The following POPDC1 variants were observed in gnomAD, a reference collection of about 807,000 sequenced individuals.
POPDC1 encodes popeye domain-containing protein 1.
the POPDC1 span, among the ~76,000 whole-genome samples, chr6:105,128,149 T>C: frequency 7.2e-5 from 11 of 152,254 alleles, no homozygotes; most frequent in African/African-American, 2.2e-4. Flanking sequence ...GAAAAGTGGA[T>C]ACAACAATAA....
chr6:105,100,134 G>A, the POPDC1 span: 16 of 152,122 alleles, frequency 1.1e-4, no homozygotes, highest in Non-Finnish European at 1.9e-4. Flanking sequence ...TAAGTAAGGT[G>A]ATCTAGTGGA....
the POPDC1 span, chr6:105,133,602 T>A: frequency 6.5e-7 from 1 of 1,531,262 alleles, no homozygotes. Flanking sequence ...TAAAAACAAG[T>A]AAACAAAAGT....
the POPDC1 span, among the ~76,000 whole-genome samples, chr6:105,112,840 G>A: frequency 2.0e-5 from 3 of 152,052 alleles, no homozygotes; most frequent in African/African-American, 7.2e-5. Flanking sequence ...CAGATGTGAA[G>A]GTGACCTGTA....
At chr6:105,130,431 C>T in the POPDC1 span, among the ~76,000 whole-genome samples, 1 of 152,008 alleles carries the variant, frequency 6.6e-6, no homozygotes, top group East Asian at 1.9e-4. Flanking sequence ...GTCTGGATTA[C>T]CTGAAGGTGA....
chr6:105,134,845 T>C, the POPDC1 span, among the ~76,000 whole-genome samples: 1 of 152,202 alleles, frequency 6.6e-6, no homozygotes. Context: ...ATTGATTTGC[T>C]ACAAAAAGGA....
chr6:105,102,939 A>C, the POPDC1 span, among the ~76,000 whole-genome samples: 3 of 152,218 alleles, frequency 2.0e-5, no homozygotes, highest in Non-Finnish European at 4.4e-5. Flanking sequence ...CTTGAATGAC[A>C]ACTATTGACA....
the POPDC1 span, chr6:105,116,888 G>A: frequency 6.2e-7 from 1 of 1,606,746 alleles, no homozygotes; most frequent in Non-Finnish European, 8.5e-7. Flanking sequence ...AAACAAGCAT[G>A]CAAAGAATAA....
the POPDC1 span, chr6:105,116,781 A>C: frequency 6.2e-7 from 1 of 1,612,800 alleles, no homozygotes; most frequent in Admixed American, 1.7e-5. Flanking sequence ...AAGATTTCAT[A>C]CAAGAAAGGT....
At chr6:105,120,273 A>T in the POPDC1 span, among the ~76,000 whole-genome samples, 1 of 812 alleles carries the variant, frequency 1.2e-3, no homozygotes, top group Non-Finnish European at 0.031. Context: ...AAAAAAAAAA[A>T]AAAAAAAAAA....
the POPDC1 span, among the ~76,000 whole-genome samples, chr6:105,102,811 C>A: frequency 6.6e-6 from 1 of 152,158 alleles, no homozygotes; most frequent in African/African-American, 2.4e-5. Flanking sequence ...TACCACCAGT[C>A]ACATCCTCTA....
the POPDC1 span, among the ~76,000 whole-genome samples, chr6:105,135,753 A>G: frequency 2.0e-5 from 3 of 152,146 alleles, no homozygotes; most frequent in South Asian, 2.1e-4. Context: ...ATGTATCTAT[A>G]TATCTATATA....
At chr6:105,116,905 T>A in the POPDC1 span, 21 of 1,581,966 alleles carry the variant, frequency 1.3e-5, no homozygotes, top group Non-Finnish European at 1.6e-5. Context: ...ATAAAGTACA[T>A]CTATGTATAT....
At chr6:105,109,553 T>C in the POPDC1 span, among the ~76,000 whole-genome samples, 1 of 151,358 alleles carries the variant, frequency 6.6e-6, no homozygotes, top group Non-Finnish European at 1.5e-5. Flanking sequence ...GCCTGGACAA[T>C]ATAGCAAGAC....
At chr6:105,101,233 G>A in the POPDC1 span, 18 of 1,590,798 alleles carry the variant, frequency 1.1e-5, no homozygotes, top group African/African-American at 2.7e-5. Flanking sequence ...GATACAGGAG[G>A]GAAAACCACT....
At chr6:105,130,182 G>T in the POPDC1 span, among the ~76,000 whole-genome samples, 1 of 152,108 alleles carries the variant, frequency 6.6e-6, no homozygotes, top group Non-Finnish European at 1.5e-5. Context: ...AGTTTTACCT[G>T]ATGGCAAACC....
At chr6:105,100,542 GTATA>G in the POPDC1 span, 4 of 134,376 alleles carry the variant, frequency 3.0e-5, no homozygotes, top group African/African-American at 1.2e-4. Flanking sequence ...ATGTGTGTAT[GTATA>G]TATATGTATA....
chr6:105,113,901 C>T, the POPDC1 span, among the ~76,000 whole-genome samples: 1 of 150,590 alleles, frequency 6.6e-6, no homozygotes. Context: ...CAATGTACTC[C>T]AGTCTGGGTG....
the POPDC1 span, among the ~76,000 whole-genome samples, chr6:105,111,310 T>C: frequency 1.3e-5 from 2 of 152,254 alleles, no homozygotes; most frequent in Non-Finnish European, 2.9e-5. Context: ...TTACTAGTGA[T>C]GGAATTGCCA....
chr6:105,129,449 A>G, the POPDC1 span: 2 of 1,612,816 alleles, frequency 1.2e-6, no homozygotes, highest in South Asian at 1.1e-5. Context: ...GTTCCAGATC[A>G]TTATATCCAA....
Sources: gnomAD v4.1 joint callset for allele counts (sites outside exome capture counted in the v4.1 genomes callset) on GRCh38, gnomAD v4.1.1 for gene constraint, MANE v1.5 for transcripts, NCBI Gene and HGNC (gene_info 2026-07-23, HGNC 2026-07-21) for gene names.